The following SNTB2 variants were observed in gnomAD, a reference collection of about 807,000 sequenced individuals.
SNTB2 encodes syntrophin beta 2.
Under a neutral mutation model 46.2 loss-of-function variants are expected in SNTB2, and 34 were observed. The ratio of observed to expected loss-of-function variants is 0.74; its 90% CI spans 0.56 to 0.98. The LOEUF (loss-of-function observed/expected upper bound fraction) is 0.98, where lower values mean the gene tolerates loss of function less well. SNTB2 is among the 50% of genes least tolerant of loss of function. The probability of loss-of-function intolerance (pLI) is 0.00; values close to 1 mark genes in which losing one functional copy is unlikely to be tolerated. For synonymous variants in SNTB2, 290 were observed against 312.6 expected, an observed-to-expected ratio of 0.93 and a Z score of 0.76; for missense variants, 603 against 731.4, an observed-to-expected ratio of 0.82 and a Z score of 2.02.
chr16:69,260,396 GT>G, intron 3 of SNTB2, 136 bp downstream of exon 3: 1 of 800,052 alleles, frequency 1.2e-6, no homozygotes, highest in South Asian at 1.8e-5. Context: ...GTTTTTCAGT[GT>G]TTTGTTTCAC....
intron 1 of SNTB2, among the ~76,000 whole-genome samples, chr16:69,225,932 T>C (rs1964455372): frequency 1.3e-5 from 2 of 151,894 alleles, no homozygotes; most frequent in Admixed American, 1.3e-4. Flanking sequence ...CACACCTGGC[T>C]AATTTTTGTA....
chr16:69,266,823 C>T (rs1397646391), intron 3 of SNTB2, among the ~76,000 whole-genome samples: 2 of 151,892 alleles, frequency 1.3e-5, no homozygotes, highest in Non-Finnish European at 2.9e-5. Context: ...CTGAAGTGAT[C>T]CTCCCACCTC....
At chr16:69,194,665 A>G (rs1284986246) in intron 1 of SNTB2, among the ~76,000 whole-genome samples, 1 of 152,140 alleles carries the variant, frequency 6.6e-6, no homozygotes, top group African/African-American at 2.4e-5. Flanking sequence ...TGTTCCAATC[A>G]TGTGGCTGAG....
At chr16:69,217,272 G>A (rs1378863841) in intron 1 of SNTB2, among the ~76,000 whole-genome samples, 3 of 151,978 alleles carry the variant, frequency 2.0e-5, no homozygotes, top group Non-Finnish European at 4.4e-5. Context: ...CCAGGAGTTC[G>A]TGACCAGCCT....
rs779992462 is a variant in SNTB2, at chr16:69,260,220, G to T, written c.965G>T (p.Gly322Val). 1.2e-6 allele frequency: 2 copies of T among 1,614,160 alleles called. No individual in the cohort carries two copies. Among genetic ancestry groups the T allele is most frequent in the South Asian group, 2.2e-5 (2 of 91,082 alleles). ...AMLGATSTAG[G>V]SKEVKHIAWL... is the part of the protein sequence containing the mutation. ...CTTGGGGCAACCAGTACAGCAGGAGGCAGTAAAGAGGTGAAGCATATTGCC... is the reference window on the plus strand; with the variant it reads ...CTTGGGGCAACCAGTACAGCAGGAGTCAGTAAAGAGGTGAAGCATATTGCC... Residue 322 changes from glycine (G) to valine (V), a missense_variant, in exon 3 of 7, where the codon GGC (glycine) becomes GTC (valine). Gly to Val is a moderately radical substitution (Grantham distance 109). Around this residue, in one of 2 missense-constraint regions of SNTB2, gnomAD observed 537 missense variants for 692.4 expected, o/e 0.78. Coordinates refer to ENST00000336278, the MANE Select transcript of SNTB2 (RefSeq NM_006750.4).
intron 4 of SNTB2, among the ~76,000 whole-genome samples, chr16:69,272,598 A>G (rs922400613): frequency 6.6e-6 from 1 of 151,122 alleles, no homozygotes; most frequent in African/African-American, 2.4e-5. Context: ...AGATTACCCA[A>G]TTAAGAAATG....
At chr16:69,268,221 T>C (rs1019587499) in intron 3 of SNTB2, among the ~76,000 whole-genome samples, 26 of 152,134 alleles carry the variant, frequency 1.7e-4, no homozygotes, top group Admixed American at 1.5e-3. Context: ...CCCAGCACTT[T>C]GGGAGGCTGA....
intron 1 of SNTB2, among the ~76,000 whole-genome samples, chr16:69,202,242 C>G (rs1964169857): frequency 6.6e-6 from 1 of 152,182 alleles, no homozygotes; most frequent in Non-Finnish European, 1.5e-5. Flanking sequence ...TCCTAACTTT[C>G]ATCTTAAGGC....
At chr16:69,204,419 T>C (rs1289605549) in intron 1 of SNTB2, among the ~76,000 whole-genome samples, 1 of 152,104 alleles carries the variant, frequency 6.6e-6, no homozygotes, top group African/African-American at 2.4e-5. Flanking sequence ...ATATTATTGC[T>C]CCTCAAAAGA....
chr16:69,299,945 G>T (rs978400422), intron 6 of SNTB2, among the ~76,000 whole-genome samples, 171 bp downstream of exon 6: 4 of 152,208 alleles, frequency 2.6e-5, no homozygotes, highest in Non-Finnish European at 4.4e-5. Flanking sequence ...AGGCTGGAGT[G>T]TAGTGGTGCA....
intron 1 of SNTB2, among the ~76,000 whole-genome samples, chr16:69,236,799 G>A (rs1964564323): frequency 1.3e-5 from 2 of 152,104 alleles, no homozygotes; most frequent in Non-Finnish European, 2.9e-5. Context: ...ATGTGATTTG[G>A]CACCTGATTA....
chr16:69,294,643 G>A (rs532039593), intron 5 of SNTB2, among the ~76,000 whole-genome samples: 1 of 152,098 alleles, frequency 6.6e-6, no homozygotes, highest in South Asian at 2.1e-4. Context: ...TGAGGCAGGA[G>A]AATCGTTTGA....
chr16:69,283,801 C>T (rs182741562), intron 4 of SNTB2, among the ~76,000 whole-genome samples: 64 of 152,036 alleles, frequency 4.2e-4, no homozygotes, highest in African/African-American at 1.4e-3. Flanking sequence ...TTTGGGAGGC[C>T]GAGGCAGGAG....
chr16:69,233,326 A>C (rs151243090), intron 1 of SNTB2, among the ~76,000 whole-genome samples: 19 of 152,314 alleles, frequency 1.2e-4, no homozygotes, highest in African/African-American at 4.1e-4. Context: ...TGTTATCACA[A>C]ATCACCCCTC....
At chr16:69,282,529 A>G (rs1241165967) in intron 4 of SNTB2, among the ~76,000 whole-genome samples, 1 of 152,078 alleles carries the variant, frequency 6.6e-6, no homozygotes, top group East Asian at 1.9e-4. Context: ...CAGTATACAG[A>G]TTTATTTTCA....
At chr16:69,265,240 C>T (rs1046548489) in intron 3 of SNTB2, among the ~76,000 whole-genome samples, 1 of 152,098 alleles carries the variant, frequency 6.6e-6, no homozygotes. Context: ...CAAAGCGAGA[C>T]TCTGTCAAAA....
At position 69,254,899 on chromosome 16, in the gene SNTB2, A is replaced by G. The variant is rs903455373; in HGVS notation, c.795-5151A>G. Reference sequence around the variant, plus strand: ...ACTGGGAGGCTGAGGTGGGAGGATCACTTGAGACCTGTATGGTCAAGGCTG... The same window carrying G: ...ACTGGGAGGCTGAGGTGGGAGGATCGCTTGAGACCTGTATGGTCAAGGCTG... On this transcript the variant is annotated intron_variant, in intron 2 of 6. Coordinates refer to ENST00000336278, the MANE Select transcript of SNTB2 (RefSeq NM_006750.4). 2.0e-5 allele frequency among the ~76,000 whole-genome samples: 3 copies of G among 152,050 alleles called. No homozygotes were observed. In the East Asian group the frequency reaches 5.8e-4, roughly 29 times the overall value.
intron 4 of SNTB2, among the ~76,000 whole-genome samples, chr16:69,280,015 G>T (rs925988550): frequency 9.2e-5 from 14 of 152,132 alleles, no homozygotes; most frequent in Non-Finnish European, 1.9e-4. Context: ...GCGGCCTTCC[G>T]CAGTGTTTGT....
chr16:69,263,034 G>A (rs946614981), intron 3 of SNTB2, among the ~76,000 whole-genome samples: 2 of 151,406 alleles, frequency 1.3e-5, no homozygotes, highest in Non-Finnish European at 2.9e-5. Flanking sequence ...TTGAAACTTT[G>A]TACCATTTGA....
Sources: allele counts gnomAD v4.1 joint callset (sites outside exome capture counted in the v4.1 genomes callset), GRCh38; gene constraint gnomAD v4.1.1; regional missense constraint gnomAD v4.1.1; transcripts MANE v1.5; gene names NCBI Gene and HGNC (gene_info 2026-07-23, HGNC 2026-07-21).